The following PCDHGB4 variants were observed in gnomAD, a reference collection of about 807,000 sequenced individuals.
PCDHGB4 encodes the protein protocadherin gamma subfamily B, 4.
Under a neutral mutation model 60.5 loss-of-function variants are expected in PCDHGB4, and 38 were observed. The observed-to-expected ratio is 0.63, with a 90% CI of 0.48 to 0.82. The LOEUF is 0.82. PCDHGB4 is among the 40% of genes least tolerant of loss of function. The pLI, the probability that PCDHGB4 is intolerant of heterozygous loss-of-function variation, is 0.00. For synonymous variants in PCDHGB4, 456 were observed against 509.7 expected, an observed-to-expected ratio of 0.89 and a Z score of 1.42; for missense variants, 1,109 against 1,209.6, an observed-to-expected ratio of 0.92 and a Z score of 1.23.
At chr5:141,406,044 G>A (rs1473314165) in intron 1 of PCDHGB4, among the ~76,000 whole-genome samples, 1 of 151,228 alleles carries the variant, frequency 6.6e-6, no homozygotes, top group Non-Finnish European at 1.5e-5. Flanking sequence ...ATTGGTTGCA[G>A]TGGACTCATA....
rs978973236 is a variant in PCDHGB4, at chr5:141,399,545, C to G, written c.2397+9264C>G. 8 of 1,614,050 alleles carry G rather than the reference C, an allele frequency of 5.0e-6. No homozygotes were observed. In the South Asian group the frequency reaches 6.6e-5, roughly 13 times the overall value. ...GCCTCCATCGCGCAAGTCTGCGCCT[C>G]GGACCTGGACTTGGGGTTGAACGGC... On this transcript the variant is annotated intron_variant, in intron 1 of 3. Transcript: ENST00000519479.
intron 1 of PCDHGB4, among the ~76,000 whole-genome samples, chr5:141,448,571 C>G (rs1207283773): frequency 6.6e-6 from 1 of 152,128 alleles, no homozygotes; most frequent in Non-Finnish European, 1.5e-5. Flanking sequence ...TTTTATTTCC[C>G]CATTTTTTTT....
At position 141,470,874 on chromosome 5, in the gene PCDHGB4, T is replaced by G. The variant is rs146599745; in HGVS notation, c.2398-23933T>G. ...AGATAAGTTTTTTGTTTGTTTGTTT[T>G]TTTGTTTTTGTTTTTGTTTTTTGTA... On this transcript the variant is annotated intron_variant, in intron 1 of 3. Coordinates refer to ENST00000519479, the MANE Select transcript of PCDHGB4 (RefSeq NM_003736.4). 1.4e-3 allele frequency among the ~76,000 whole-genome samples: 218 copies of G among 151,820 alleles called. 1 individual carries two copies. Among genetic ancestry groups the G allele is most frequent in the Middle Eastern group, 0.01 (3 of 294 alleles).
chr5:141,438,619 TATATATATATATATATACACAC>T (rs1408639052), intron 1 of PCDHGB4, among the ~76,000 whole-genome samples: 61 of 39,666 alleles, frequency 1.5e-3, no homozygotes, highest in African/African-American at 9.2e-3. Context: ...TATATATATA[TATATATATATATATATACACAC>T]ACACACACAC....
intron 1 of PCDHGB4, among the ~76,000 whole-genome samples, chr5:141,492,631 A>G (rs1203365582): frequency 6.6e-6 from 1 of 152,184 alleles, no homozygotes; most frequent in Non-Finnish European, 1.5e-5. Flanking sequence ...GCAGGACTCT[A>G]CGATCCTTGG....
At chr5:141,435,172 T>G (rs1406204282) in intron 1 of PCDHGB4, among the ~76,000 whole-genome samples, 1 of 152,198 alleles carries the variant, frequency 6.6e-6, no homozygotes, top group Non-Finnish European at 1.5e-5. Context: ...GAGTGGCTTT[T>G]AACTACACTT....
rs1256790840 is a variant in PCDHGB4, at chr5:141,392,835, C to T, written c.2397+2554C>T. 8 of 1,608,038 alleles carry T rather than the reference C, an allele frequency of 5.0e-6. No individual in the cohort carries two copies. In the South Asian group the frequency reaches 5.5e-5, roughly 11 times the overall value. On this transcript the variant is annotated intron_variant, in intron 1 of 3. Coordinates refer to ENST00000519479, the MANE Select transcript of PCDHGB4 (RefSeq NM_003736.4). The stretch of plus-strand genomic sequence containing the variant: ...AACAATGGCCGCTCCACAGAGTCGC[C>T]CCAGACGCGGCGAGCTGATCCTGCT...
intron 1 of PCDHGB4, chr5:141,393,206 A>T: frequency 6.2e-7 from 1 of 1,613,588 alleles, no homozygotes; most frequent in East Asian, 2.2e-5. Context: ...ATAATAACCC[A>T]AAATTCCAGG....
Position 141,418,036 on chromosome 5 carries a change from G to C in PCDHGB4, c.2397+27755G>C, listed in dbSNP as rs933500300. ...CTAAGGATCTAGGGCTTAGTGTCCT[G>C]GATGTGTCGGCTCGCGAGCTGCGAG... On this transcript the variant is annotated intron_variant, in intron 1 of 3. Coordinates refer to ENST00000519479, the MANE Select transcript of PCDHGB4 (RefSeq NM_003736.4). 3.7e-6 allele frequency: 6 copies of C among 1,613,902 alleles called. No individual in the cohort carries two copies. The African/African-American group carries it at 8.0e-5, about 22-fold the overall frequency.
intron 1 of PCDHGB4, among the ~76,000 whole-genome samples, chr5:141,494,399 T>A (rs2099754028): frequency 6.6e-6 from 1 of 152,146 alleles, no homozygotes; most frequent in South Asian, 2.1e-4. Context: ...ATAAATTCAT[T>A]CTAGGGCTGG....
At chr5:141,462,206 T>A (rs574863016) in intron 1 of PCDHGB4, among the ~76,000 whole-genome samples, 7 of 152,066 alleles carry the variant, frequency 4.6e-5, no homozygotes, top group African/African-American at 1.7e-4. Flanking sequence ...GTGATCCGCC[T>A]GCCTCGGCCT....
chr5:141,503,362 G>A (rs565902559), intron 2 of PCDHGB4, among the ~76,000 whole-genome samples: 32 of 152,054 alleles, frequency 2.1e-4, no homozygotes, highest in African/African-American at 6.5e-4. Context: ...TTTGGGAAGC[G>A]GAGGCAGGTG....
chr5:141,424,966 T>G (rs913951031), intron 1 of PCDHGB4, among the ~76,000 whole-genome samples: 17 of 152,174 alleles, frequency 1.1e-4, no homozygotes, highest in African/African-American at 3.9e-4. Flanking sequence ...TTGCCCCAAA[T>G]TACTTGGATA....
chr5:141,455,148 A>G (rs6897410), intron 1 of PCDHGB4, among the ~76,000 whole-genome samples: 9,268 of 149,002 alleles, frequency 0.062, 567 homozygotes, highest in African/African-American at 0.16. Flanking sequence ...TTAAATAAAT[A>G]TTAGTTTGTT....
chr5:141,499,029 A>AAGGAAGGAAGGAAGGAAGG (rs1562187768), intron 2 of PCDHGB4, among the ~76,000 whole-genome samples: 3 of 140,076 alleles, frequency 2.1e-5, no homozygotes, highest in African/African-American at 8.3e-5. Flanking sequence ...AGGAAGGAAG[A>AAGGAAGGAAGGAAGGAAGG]AAAGAAAGAA....
At chr5:141,445,900 T>C (rs2098480876) in intron 1 of PCDHGB4, among the ~76,000 whole-genome samples, 1 of 152,224 alleles carries the variant, frequency 6.6e-6, no homozygotes, top group African/African-American at 2.4e-5. Flanking sequence ...TATTAAAATA[T>C]TTTAAACAAG....
chr5:141,404,682 T>G lies in PCDHGB4; in HGVS notation c.2397+14401T>G, dbSNP rs766278950. 2.5e-6 allele frequency: 4 copies of G among 1,613,914 alleles called. No individual in the cohort carries two copies. Among genetic ancestry groups the G allele is most frequent in the Non-Finnish European group, 2.5e-6 (3 of 1,179,906 alleles). On this transcript the variant is annotated intron_variant, in intron 1 of 3. Coordinates refer to ENST00000519479, the MANE Select transcript of PCDHGB4 (RefSeq NM_003736.4). ...ACTGATGGTTCTACTGGTGTGGAGC[T>G]GGCACCCCGCTCTGCAGAGCCTGGC...
intron 1 of PCDHGB4, chr5:141,419,876 C>T (rs1219393740): frequency 1.4e-5 from 23 of 1,614,084 alleles, no homozygotes; most frequent in Non-Finnish European, 1.9e-5. Flanking sequence ...AGAGGTACTG[C>T]CGGATTTCAG....
chr5:141,458,578 TG>T, intron 1 of PCDHGB4, among the ~76,000 whole-genome samples: 1 of 152,138 alleles, frequency 6.6e-6, no homozygotes. Context: ...TTTGTTTGTT[TG>T]TTTGTTTTGG....
Sources: gnomAD v4.1 joint callset for allele counts (sites outside exome capture counted in the v4.1 genomes callset) on GRCh38, gnomAD v4.1.1 for gene constraint, MANE v1.5 for transcripts, NCBI Gene and HGNC (gene_info 2026-07-23, HGNC 2026-07-21) for gene names.